ARHGEF33: variants seen among roughly 807,000 people sequenced by gnomAD.
The protein encoded by ARHGEF33 is Rho guanine nucleotide exchange factor 33.
In ARHGEF33, 72 loss-of-function variants were observed where a neutral mutation model predicts 101.9. That is an observed-to-expected ratio of 0.71 (90% CI 0.58 to 0.86). The LOEUF (loss-of-function observed/expected upper bound fraction) is 0.86, where lower values mean the gene tolerates loss of function less well. Ranked by LOEUF, ARHGEF33 falls within the 40% of genes least tolerant of loss-of-function variation. The pLI, the probability that ARHGEF33 is intolerant of heterozygous loss-of-function variation, is 0.00. For missense variants in ARHGEF33, 1,169 were observed against 1,111.3 expected (o/e 1.05, Z -0.74); for synonymous variants, 499 against 442.5 (o/e 1.13, Z -1.60).
intron 13 of ARHGEF33, among the ~76,000 whole-genome samples, chr2:38,955,703 G>A (rs1667723745): frequency 6.6e-6 from 1 of 151,476 alleles, no homozygotes; most frequent in Non-Finnish European, 1.5e-5. Flanking sequence ...TTGAGATGGA[G>A]TCTCACTCTG....
intron 1 of ARHGEF33, among the ~76,000 whole-genome samples, chr2:38,895,491 A>G (rs1255019001): frequency 1.3e-5 from 2 of 152,194 alleles, no homozygotes; most frequent in East Asian, 1.9e-4. Flanking sequence ...TTCTCGAGCT[A>G]TGTTTTTAAA....
chr2:38,957,117 C>G, intron 14 of ARHGEF33, 70 bp downstream of exon 14: 1 of 1,506,270 alleles, frequency 6.6e-7, no homozygotes, highest in South Asian at 1.2e-5. Context: ...CAAGTAACCA[C>G]GTTGTGTGTT....
Position 38,919,408 on chromosome 2 carries a change from A to C in ARHGEF33, c.-40A>C. ...CCTGAGCCAGGACGATGAGGATGCAATGTTGAAGAATAAGCTGGAGAAGAG... is the reference window on the plus strand; with the variant it reads ...CCTGAGCCAGGACGATGAGGATGCACTGTTGAAGAATAAGCTGGAGAAGAG... On this transcript the variant is annotated 5_prime_UTR_variant, in exon 3 of 18. The change abolishes an upstream ATG in the 5' untranslated region. Coordinates refer to ENST00000409978, the MANE Select transcript of ARHGEF33 (RefSeq NM_001145451.5). 1 of 1,551,190 alleles carries C rather than the reference A, an allele frequency of 6.4e-7. No homozygotes were observed. Among genetic ancestry groups the C allele is most frequent in the Non-Finnish European group, 8.7e-7 (1 of 1,146,494 alleles).
At chr2:38,918,234 A>G (rs1054407961) in intron 2 of ARHGEF33, among the ~76,000 whole-genome samples, 1 of 152,230 alleles carries the variant, frequency 6.6e-6, no homozygotes, top group African/African-American at 2.4e-5. Flanking sequence ...TATTTCTAAC[A>G]GATAATGGTC....
rs112812962 is a variant in ARHGEF33 at position 38,956,886 on chromosome 2, C to T, written c.1222-13C>T. Reference sequence around the variant, plus strand: ...TGATTATGCAATGCTACTTCCTTTTCCCCTCCATCCAGAACGTCCTGAAGT... The same window carrying T: ...TGATTATGCAATGCTACTTCCTTTTTCCCTCCATCCAGAACGTCCTGAAGT... On this transcript the variant is annotated splice_polypyrimidine_tract_variant and intron_variant, in intron 13 of 17. Coordinates refer to ENST00000409978, the MANE Select transcript of ARHGEF33 (RefSeq NM_001145451.5). 288 of 1,551,276 alleles carry T rather than the reference C, an allele frequency of 1.9e-4. 2 individuals are homozygous for T. In the African/African-American group the frequency reaches 3.4e-3, roughly 18 times the overall value.
At chr2:38,927,130 A>G (rs1666892301) in intron 4 of ARHGEF33, among the ~76,000 whole-genome samples, 1 of 152,172 alleles carries the variant, frequency 6.6e-6, no homozygotes, top group African/African-American at 2.4e-5. Flanking sequence ...CTAGCCCCAA[A>G]TACTTGACAG....
Position 38,919,867 on chromosome 2 carries a change from G to T in ARHGEF33, c.25+395G>T, listed in dbSNP as rs1382101277. On this transcript the variant is annotated intron_variant, in intron 3 of 17. Transcript: ENST00000409978. ...TTATCATCTCCAATTTACGGAAGAGGAAACAGTCATAGGGAAGTCAGGTGA... is the reference window on the plus strand; with the variant it reads ...TTATCATCTCCAATTTACGGAAGAGTAAACAGTCATAGGGAAGTCAGGTGA... Among the ~76,000 whole-genome samples, 4 of 152,144 alleles carry T rather than the reference G, an allele frequency of 2.6e-5. 1 individual carries two copies. Among genetic ancestry groups the T allele is most frequent in the Admixed American group, 2.6e-4 (4 of 15,274 alleles).
intron 1 of ARHGEF33, among the ~76,000 whole-genome samples, chr2:38,895,330 A>G (rs1666096383): frequency 6.6e-6 from 1 of 152,204 alleles, no homozygotes; most frequent in Non-Finnish European, 1.5e-5. Context: ...AGAAAAACCT[A>G]TTACAAACAC....
chr2:38,929,136 C>G (rs1176622584), intron 5 of ARHGEF33, 65 bp downstream of exon 5: 1 of 1,342,908 alleles, frequency 7.4e-7, no homozygotes, highest in African/African-American at 1.5e-5. Flanking sequence ...CAATAGAAAA[C>G]TTGCCTTTTT....
intron 14 of ARHGEF33, 117 bp from the exon 15 acceptor site, chr2:38,957,917 G>T (rs1001601484): frequency 7.4e-5 from 95 of 1,278,066 alleles, no homozygotes; most frequent in Non-Finnish European, 9.3e-5. Context: ...CCTGGAGATA[G>T]AGACCTTCAC....
At chr2:38,948,263 A>G (rs941906600) in intron 10 of ARHGEF33, among the ~76,000 whole-genome samples, 2 of 152,288 alleles carry the variant, frequency 1.3e-5, no homozygotes, top group Admixed American at 6.5e-5. Flanking sequence ...CCTAATTTCA[A>G]ATAATACCCT....
chr2:38,944,963 CCTATATCTGTTCATAGTCTAGATTTTTTT>C (rs899817796), intron 10 of ARHGEF33, among the ~76,000 whole-genome samples: 7 of 151,700 alleles, frequency 4.6e-5, no homozygotes, highest in Non-Finnish European at 8.8e-5. Context: ...CAACACTCCA[CCTATATCTGTTCATAGTCTAGATTTTTTT>C]CTGTTTCCCT....
At chr2:38,918,299 T>C (rs1457322842) in intron 2 of ARHGEF33, among the ~76,000 whole-genome samples, 2 of 152,192 alleles carry the variant, frequency 1.3e-5, no homozygotes, top group Non-Finnish European at 2.9e-5. Context: ...GAATATCAAG[T>C]ATCTGCCTTA....
At chr2:38,953,061 A>G in intron 11 of ARHGEF33, 101 bp from the exon 12 acceptor site, 2 of 657,128 alleles carry the variant, frequency 3.0e-6, no homozygotes, top group Non-Finnish European at 5.4e-6. Context: ...TGAATAAGAT[A>G]ATCTCTGCAA....
intron 2 of ARHGEF33, among the ~76,000 whole-genome samples, chr2:38,914,262 G>A (rs1017030078): frequency 6.6e-6 from 1 of 152,232 alleles, no homozygotes. Context: ...CAAGATGTTT[G>A]TTGTGGCATT....
At chr2:38,940,235 C>T (rs952874673) in intron 9 of ARHGEF33, among the ~76,000 whole-genome samples, 2 of 152,094 alleles carry the variant, frequency 1.3e-5, no homozygotes, top group Admixed American at 1.3e-4. Context: ...TTTTTCTTAG[C>T]AATATAACAG....
At position 38,929,062 on chromosome 2, in the gene ARHGEF33, C is replaced by G; in HGVS notation, c.231C>G (p.Asn77Lys). 3 of 1,549,362 alleles carry G rather than the reference C, an allele frequency of 1.9e-6. No individual in the cohort carries two copies. In the South Asian group the frequency reaches 3.6e-5, roughly 19 times the overall value. ...TTACTGAGATGAAGAATTCATTAAACTATTTCAAGGTAGGCCTCTCTTTAA... is the reference window on the plus strand; with the variant it reads ...TTACTGAGATGAAGAATTCATTAAAGTATTTCAAGGTAGGCCTCTCTTTAA... ...EKVTEMKNSL[N>K]YFKEELSNAM... The change falls in exon 5 of 18, where the codon AAC (asparagine) becomes AAG (lysine). Residue 77 changes from asparagine to lysine, a missense_variant. Asn to Lys is a moderately conservative substitution (Grantham distance 94). Transcript: ENST00000409978.
chr2:38,891,735 C>G (rs575808574), intron 1 of ARHGEF33, among the ~76,000 whole-genome samples: 28 of 152,040 alleles, frequency 1.8e-4, no homozygotes, highest in Admixed American at 3.9e-4. Flanking sequence ...ACCCGCCCCC[C>G]ACACAATTTA....
At position 38,956,880 on chromosome 2, in the gene ARHGEF33, C is replaced by T. The variant is rs1346030634; in HGVS notation, c.1222-19C>T. 1 of 1,551,130 alleles carries T rather than the reference C, an allele frequency of 6.4e-7. No individual in the cohort carries two copies. The highest frequency in any genetic ancestry group is 2.4e-5 in the East Asian group (1 of 40,888). ...TCATGCTGATTATGCAATGCTACTT[C>T]CTTTTCCCCTCCATCCAGAACGTCC... On this transcript the variant is annotated intron_variant, in intron 13 of 17. Transcript: ENST00000409978.
Sources: gnomAD v4.1 joint callset for allele counts (sites outside exome capture counted in the v4.1 genomes callset) on GRCh38, gnomAD v4.1.1 for gene constraint, MANE v1.5 for transcripts, NCBI Gene and HGNC (gene_info 2026-07-23, HGNC 2026-07-21) for gene names.